INO80: variants seen among roughly 807,000 people sequenced by gnomAD.
INO80 encodes chromatin-remodeling ATPase INO80.
A neutral mutation model predicts 203.4 loss-of-function variants in INO80; 20 were observed. The observed-to-expected ratio is 0.10, with a 90% CI of 0.07 to 0.14. The LOEUF (loss-of-function observed/expected upper bound fraction) is 0.14. INO80 is among the 10% of genes least tolerant of loss of function. INO80 has a pLI of 1.00. For synonymous variants in INO80, 726 were observed against 685.2 expected (o/e 1.06, Z -0.93); for missense variants, 1,419 against 1,914.4 (o/e 0.74, Z 4.83).
rs547753275 is a variant in INO80 at position 41,062,740 on chromosome 15, T to C, written c.1783-2814A>G. ...GAGTCCCCCTCACCCTGGGCTCTTCTGCTCCTCTGCCTTCCAATCTGGAGT... is the reference window on the plus strand; with the variant it reads ...GAGTCCCCCTCACCCTGGGCTCTTCCGCTCCTCTGCCTTCCAATCTGGAGT... On this transcript the variant is annotated intron_variant, in intron 14 of 35. Transcript: ENST00000648947. 1.8e-4 allele frequency among the ~76,000 whole-genome samples: 28 copies of C among 152,328 alleles called. No individual in the cohort carries two copies. In the East Asian group the frequency reaches 5.0e-3, roughly 27 times the overall value.
rs147972982 is a variant in INO80 at position 40,987,696 on chromosome 15, T to C, written c.3729+120A>G. 4.7e-3 allele frequency: 4,464 copies of C among 949,140 alleles called. 14 individuals are homozygous for C. Among genetic ancestry groups the C allele is most frequent in the Non-Finnish European group, 6.4e-3 (4,014 of 630,604 alleles). 58.8% of individuals were successfully genotyped at this position (949,140 alleles called of 1,614,324 possible). On this transcript the variant is annotated intron_variant, in intron 30 of 35. Coordinates refer to ENST00000648947, the MANE Select transcript of INO80 (RefSeq NM_017553.3). ...GATTTTATTTTCTATTCAGAAGAAA[T>C]TGTAGTTTCGTCAGGACCAATGAAA...
chr15:41,085,267 G>C (rs1322609529), intron 7 of INO80, 102 bp downstream of exon 7: 1 of 982,240 alleles, frequency 1.0e-6, no homozygotes, highest in Non-Finnish European at 1.6e-6. Flanking sequence ...TTTCTTTGCA[G>C]AATTCCTATC....
chr15:41,051,445 AAC>A (rs2044869148), intron 19 of INO80, among the ~76,000 whole-genome samples: 1 of 151,140 alleles, frequency 6.6e-6, no homozygotes. Flanking sequence ...ATGTTTAAGA[AAC>A]ACATACTATA....
rs906837090 is a variant in INO80 at position 41,051,866 on chromosome 15, G to A, written c.2275-1764C>T. ...CCAGCTACTAGGGAGGCTGAGGCAG[G>A]CGAGTCGCTTGAATCCGGCAGGCGG... is the stretch of plus-strand genomic sequence containing the variant. On this transcript the variant is annotated intron_variant, in intron 19 of 35. Coordinates refer to ENST00000648947, the MANE Select transcript of INO80 (RefSeq NM_017553.3). Among the ~76,000 whole-genome samples the A allele has an allele frequency of 7.9e-5, 12 of 152,170 alleles. 1 individual carries two copies. Among genetic ancestry groups the A allele is most frequent in the Admixed American group, 4.6e-4 (7 of 15,278 alleles).
At chr15:41,108,293 G>C (rs1566952468) in intron 1 of INO80, among the ~76,000 whole-genome samples, 1 of 150,904 alleles carries the variant, frequency 6.6e-6, no homozygotes, top group Non-Finnish European at 1.5e-5. Flanking sequence ...TGAATCCATT[G>C]AAAAGCCACA....
chr15:41,051,039 G>C (rs908974378), intron 19 of INO80, among the ~76,000 whole-genome samples: 1 of 149,854 alleles, frequency 6.7e-6, no homozygotes, highest in African/African-American at 2.5e-5. Flanking sequence ...TGAGGCAGGA[G>C]AATCACTTGA....
chr15:41,073,760 C>T (rs184395990), intron 10 of INO80, among the ~76,000 whole-genome samples: 80 of 152,188 alleles, frequency 5.3e-4, no homozygotes, highest in African/African-American at 1.9e-3. Context: ...GTTTCTTCTA[C>T]CAAATAATAC....
Position 41,115,976 on chromosome 15 carries a change from G to C in INO80, c.-47C>G, listed in dbSNP as rs1438609864. 9 of 386,470 alleles carry C rather than the reference G, an allele frequency of 2.3e-5. No homozygotes were observed. The highest frequency in any genetic ancestry group is 4.1e-5 in the Non-Finnish European group (9 of 218,162). The allele number at this position is 386,470 out of a possible 1,614,324, so 23.9% of individuals were successfully genotyped here. A position where few individuals can be genotyped will look rare whatever the true frequency, so the allele number is the denominator to read the frequency against. ...CGCCCACGTCTAGTTGCCTCACCTC[G>C]GGCCGCCTGGCCCCGCCGCCGCGAC... On this transcript the variant is annotated 5_prime_UTR_variant, in exon 1 of 36. Transcript: ENST00000648947.
intron 1 of INO80, among the ~76,000 whole-genome samples, chr15:41,100,440 G>T (rs2045791300): frequency 6.6e-6 from 1 of 152,180 alleles, no homozygotes; most frequent in African/African-American, 2.4e-5. Context: ...AAAACAATTT[G>T]TTGAAGAAAG....
Position 41,032,552 on chromosome 15 carries a change from G to A in INO80, c.2908-4816C>T, listed in dbSNP as rs186697365. ...AAGAGTTTTTGAAAACTTCCTGTTT[G>A]GGGGGTGAAATCTTCAATCAATAGC... is the stretch of plus-strand genomic sequence containing the variant. On this transcript the variant is annotated intron_variant, in intron 24 of 35. Coordinates refer to ENST00000648947, the MANE Select transcript of INO80 (RefSeq NM_017553.3). Among the ~76,000 whole-genome samples the A allele has an allele frequency of 4.2e-3, 635 of 152,210 alleles. 1 individual carries two copies. The highest frequency in any genetic ancestry group is 6.8e-3 in the Middle Eastern group (2 of 294).
intron 19 of INO80, among the ~76,000 whole-genome samples, chr15:41,052,590 T>C (rs543209509): frequency 6.6e-6 from 1 of 150,696 alleles, no homozygotes; most frequent in South Asian, 2.1e-4. Context: ...GGAGGACTGC[T>C]TGAGCCAAGG....
chr15:41,083,033 G>C (rs191884649), intron 7 of INO80, among the ~76,000 whole-genome samples: 2 of 151,656 alleles, frequency 1.3e-5, no homozygotes, highest in African/African-American at 4.8e-5. Context: ...CTGCAATCCC[G>C]GCACTATGGG....
At chr15:41,103,452 C>T (rs1370115493) in intron 1 of INO80, among the ~76,000 whole-genome samples, 5 of 152,126 alleles carry the variant, frequency 3.3e-5, no homozygotes, top group Non-Finnish European at 5.9e-5. Flanking sequence ...TCCAGTGGCG[C>T]GATCTCAGCT....
intron 11 of INO80, among the ~76,000 whole-genome samples, 200 bp from the exon 12 acceptor site, chr15:41,072,258 A>G (rs1213154557): frequency 6.6e-6 from 1 of 152,078 alleles, no homozygotes; most frequent in Non-Finnish European, 1.5e-5. Context: ...TTAATGTAAC[A>G]ATTATATTAG....
chr15:41,052,125 T>TA (rs1286023627), intron 19 of INO80, among the ~76,000 whole-genome samples: 2 of 150,312 alleles, frequency 1.3e-5, no homozygotes. Flanking sequence ...GGTGACAGAG[T>TA]AAAAAATCCA....
chr15:41,040,518 G>A (rs764296947), intron 24 of INO80, among the ~76,000 whole-genome samples: 13 of 152,156 alleles, frequency 8.5e-5, no homozygotes, highest in South Asian at 2.1e-4. Context: ...TTATCTTCGC[G>A]AATTTGTTGG....
chr15:41,071,329 T>C (rs1289440138), intron 12 of INO80, among the ~76,000 whole-genome samples: 3 of 152,204 alleles, frequency 2.0e-5, no homozygotes, highest in African/African-American at 7.2e-5. Flanking sequence ...ATGTGCCATG[T>C]TGGTGTGCTG....
At chr15:40,996,672 G>C (rs2043885883) in intron 29 of INO80, among the ~76,000 whole-genome samples, 1 of 152,204 alleles carries the variant, frequency 6.6e-6, no homozygotes, top group African/African-American at 2.4e-5. Flanking sequence ...ATTCCTGCAA[G>C]AAGACTGGGT....
At chr15:40,983,362 G>A in intron 34 of INO80, 1 of 448,480 alleles carries the variant, frequency 2.2e-6, no homozygotes, top group East Asian at 4.4e-5. Flanking sequence ...ATTACAAAGG[G>A]AAGCGACTTG....
Sources: gnomAD v4.1 joint callset for allele counts (sites outside exome capture counted in the v4.1 genomes callset) on GRCh38, gnomAD v4.1.1 for gene constraint, MANE v1.5 for transcripts, NCBI Gene and HGNC (gene_info 2026-07-23, HGNC 2026-07-21) for gene names.